Variants in HSPB1 observed in about 807,000 individuals in gnomAD.
HSPB1 encodes the protein heat shock protein family B (small) member 1.
HSPB1 carries 19 observed loss-of-function variants against 17.0 expected under a neutral mutation model. That is an observed-to-expected ratio of 1.12 (90% CI 0.78 to 1.64). The LOEUF is 1.64. Among genes scored for constraint, HSPB1 ranks in the 40% most tolerant of loss-of-function variants. HSPB1 has a pLI of 0.00. For missense variants in HSPB1, 348 were observed against 289.2 expected, an observed-to-expected ratio of 1.20 and a Z score of -1.47; for synonymous variants, 165 against 129.8, an observed-to-expected ratio of 1.27 and a Z score of -1.84.
chr7:76,302,719 G>A lies in HSPB1; in HGVS notation c.7G>A (p.Glu3Lys), dbSNP rs748003351. Residue 3 changes from glutamate to lysine, a missense_variant, in exon 1 of 3, where the codon GAG becomes AAG. Coordinates refer to ENST00000248553, the MANE Select transcript of HSPB1 (RefSeq NM_001540.5). ...CAGAGCAGAGTCAGCCAGCATGACC[G>A]AGCGCCGCGTCCCCTTCTCGCTCCT... MT[E>K]RRVPFSLLRG... The A allele has an allele frequency of 1.2e-5, 19 of 1,602,060 alleles. No individual in the cohort carries two copies. The highest frequency in any genetic ancestry group is 1.4e-5 in the Non-Finnish European group (17 of 1,179,878).
rs201769668 is a variant in HSPB1 at position 76,302,736 on chromosome 7, C to T, written c.24C>T (p.Phe8=). The T allele has an allele frequency of 1.9e-4, 309 of 1,604,684 alleles. 2 individuals are homozygous for T. The highest frequency in any genetic ancestry group is 2.9e-5 in the Non-Finnish European group (34 of 1,179,836). The change falls in exon 1 of 3, where the codon TTC becomes TTT. Residue 8 remains phenylalanine, a synonymous_variant. Coordinates refer to ENST00000248553, the MANE Select transcript of HSPB1 (RefSeq NM_001540.5). MTERRVP[F]SLLRGPSWDP... ...GCATGACCGAGCGCCGCGTCCCCTTCTCGCTCCTGCGGGGCCCCAGCTGGG... is the reference window on the plus strand; with the variant it reads ...GCATGACCGAGCGCCGCGTCCCCTTTTCGCTCCTGCGGGGCCCCAGCTGGG...
chr7:76,303,555 G>T, intron 1 of HSPB1: 1 of 586,914 alleles, frequency 1.7e-6, no homozygotes, highest in East Asian at 2.8e-5. Flanking sequence ...CTCCAAGTGC[G>T]CCTGCGTACT....
intron 2 of HSPB1, 23 bp downstream of exon 2, chr7:76,303,888 G>T: frequency 6.3e-7 from 1 of 1,599,044 alleles, no homozygotes; most frequent in Non-Finnish European, 8.6e-7. Flanking sequence ...GCCAGGTCGG[G>T]GTGGGTGGGT....
intron 1 of HSPB1, chr7:76,303,534 C>T (rs912570378): frequency 2.4e-5 from 14 of 581,494 alleles, no homozygotes; most frequent in African/African-American, 5.6e-5. Flanking sequence ...GCTGAGTGGG[C>T]GTGTGCGCGG....
Position 76,304,267 on chromosome 7 carries a change from C to T in HSPB1, c.*94C>T, listed in dbSNP as rs1554614723. 1 of 1,316,626 alleles carries T rather than the reference C, an allele frequency of 7.6e-7. No homozygotes were observed. Among genetic ancestry groups the T allele is most frequent in the East Asian group, 2.5e-5 (1 of 39,884 alleles). 81.6% of individuals were successfully genotyped at this position (1,316,626 alleles called of 1,614,324 possible). A position where few individuals can be genotyped will look rare whatever the true frequency, so the allele number is the denominator to read the frequency against. ...TTTGATACATTTATCTTCTGTTTTT[C>T]TCAAATAAAGTTCAAAGCAACCACC... On this transcript the variant is annotated 3_prime_UTR_variant, in exon 3 of 3. Coordinates refer to ENST00000248553, the MANE Select transcript of HSPB1 (RefSeq NM_001540.5).
chr7:76,302,703 G>A lies in HSPB1; in HGVS notation c.-10G>A, dbSNP rs753916857. The A allele has an allele frequency of 5.6e-6, 9 of 1,599,812 alleles. No individual in the cohort carries two copies. The highest frequency in any genetic ancestry group is 5.3e-5 in the African/African-American group (4 of 74,888). ...TTTCTGAGCAGACGTCCAGAGCAGA[G>A]TCAGCCAGCATGACCGAGCGCCGCG... On this transcript the variant is annotated 5_prime_UTR_variant, in exon 1 of 3. Coordinates refer to ENST00000248553, the MANE Select transcript of HSPB1 (RefSeq NM_001540.5).
chr7:76,304,229 A>G lies in HSPB1; in HGVS notation c.*56A>G, dbSNP rs1803078810. The stretch of plus-strand genomic sequence containing the variant: ...CGCCACTGGCTGTGCCTCCCCCGCC[A>G]CCTGTGTGTTCTTTTGATACATTTA... On this transcript the variant is annotated 3_prime_UTR_variant, in exon 3 of 3. Coordinates refer to ENST00000248553, the MANE Select transcript of HSPB1 (RefSeq NM_001540.5). 2 of 1,467,222 alleles carry G rather than the reference A, an allele frequency of 1.4e-6. No individual in the cohort carries two copies. The highest frequency in any genetic ancestry group is 1.9e-6 in the Non-Finnish European group (2 of 1,061,760). 90.9% of individuals were successfully genotyped at this position (1,467,222 alleles called of 1,614,324 possible). A position where few individuals can be genotyped will look rare whatever the true frequency, so the allele number is the denominator to read the frequency against.
At chr7:76,303,134 G>A in intron 1 of HSPB1, 58 bp downstream of exon 1, 1 of 1,492,288 alleles carries the variant, frequency 6.7e-7, no homozygotes, top group East Asian at 2.5e-5. Context: ...GGCAGGGCCG[G>A]GGGCGTGCGG....
rs557327165 is a variant in HSPB1 at position 76,302,828 on chromosome 7, C to T, written c.116C>T (p.Pro39Leu). ...FDQAFGLPRLPEEWSQWLGGS... is the reference protein window; with the variant it reads ...FDQAFGLPRLLEEWSQWLGGS... ...CAGGCCTTCGGGCTGCCCCGGCTGC[C>T]GGAGGAGTGGTCGCAGTGGTTAGGC... Residue 39 changes from proline (P) to leucine (L), a missense_variant, in exon 1 of 3, where the codon CCG becomes CTG. Coordinates refer to ENST00000248553, the MANE Select transcript of HSPB1 (RefSeq NM_001540.5). 13 of 1,605,374 alleles carry T rather than the reference C, an allele frequency of 8.1e-6. No individual in the cohort carries two copies. Among genetic ancestry groups the T allele is most frequent in the African/African-American group, 2.7e-5 (2 of 74,974 alleles).
At chr7:76,303,725 G>C (rs895000067) in intron 1 of HSPB1, 77 bp from the exon 2 acceptor site, 9 of 1,291,174 alleles carry the variant, frequency 7.0e-6, no homozygotes, top group Non-Finnish European at 1.0e-5. Context: ...TTCCAAGCAG[G>C]AGGTGGGGCC....
intron 1 of HSPB1, chr7:76,303,596 T>C (rs1803049789): frequency 1.6e-6 from 1 of 621,074 alleles, no homozygotes; most frequent in African/African-American, 1.8e-5. Context: ...CCCTGCTCCG[T>C]TCCTCCCAAA....
chr7:76,303,202 A>C, intron 1 of HSPB1, 126 bp downstream of exon 1: 1 of 1,156,056 alleles, frequency 8.7e-7, no homozygotes, highest in South Asian at 1.5e-5. Context: ...ACCGGGAAAA[A>C]CAGGACTCCT....
intron 1 of HSPB1, 66 bp from the exon 2 acceptor site, chr7:76,303,736 T>C: frequency 6.8e-7 from 1 of 1,466,142 alleles, no homozygotes; most frequent in South Asian, 1.1e-5. Flanking sequence ...AGGTGGGGCC[T>C]CTGGCCTAGC....
chr7:76,303,982 AG>A lies in HSPB1; in HGVS notation c.429del, dbSNP rs1563652831. On this transcript the variant is annotated splice_acceptor_variant, in intron 2 of 2. Coordinates refer to ENST00000248553, the MANE Select transcript of HSPB1 (RefSeq NM_001540.5). LOFTEE classifies it high-confidence loss of function. ...GCTTGCCTTTCCTCTCTGCACGTCC[AG>A]GCTGCCCCCCGGTGTGGACCCCACC... 6.2e-7 allele frequency: 1 copy of A among 1,613,638 alleles called. No individual in the cohort carries two copies. The highest frequency in any genetic ancestry group is 2.2e-5 in the East Asian group (1 of 44,874).
Sources: allele counts gnomAD v4.1 joint callset, GRCh38; gene constraint gnomAD v4.1.1; transcripts MANE v1.5; gene names NCBI Gene and HGNC (gene_info 2026-07-23, HGNC 2026-07-21).